The following KIAA0586 variants were observed in gnomAD, a reference collection of about 807,000 sequenced individuals.
The protein encoded by KIAA0586 is KIAA0586.
A neutral mutation model predicts 169.8 loss-of-function variants in KIAA0586; 144 were observed. The ratio of observed to expected loss-of-function variants is 0.85; its 90% confidence interval spans 0.74 to 0.97. KIAA0586 has a LOEUF of 0.97. Among genes scored for constraint, KIAA0586 ranks in the 50% least tolerant of loss-of-function variants. The pLI, the probability that KIAA0586 is intolerant of heterozygous loss-of-function variation, is 0.00. For missense variants in KIAA0586, 1,854 were observed against 1,823.0 expected (o/e 1.02, Z -0.31); for synonymous variants, 625 against 612.4 (o/e 1.02, Z -0.30).
Position 58,467,750 on chromosome 14 carries a change from A to G in KIAA0586, c.2270A>G (p.Asn757Ser), listed in dbSNP as rs778673898. 10 of 1,609,890 alleles carry G rather than the reference A, an allele frequency of 6.2e-6. No individual in the cohort carries two copies. The African/African-American group carries it at 9.4e-5, about 15-fold the overall frequency. The change falls in exon 16 of 31, where the codon AAT becomes AGT. Residue 757 changes from asparagine (N) to serine (S), a missense_variant. Physicochemically the swap from Asn to Ser is conservative, Grantham distance 46. Coordinates refer to ENST00000652326, the MANE Select transcript of KIAA0586 (RefSeq NM_001329943.3). ...MAILLGQTQS[N>S]SDTMPPAGVI... is the part of the protein sequence containing the mutation. ...AACTTCTTAGGACAAACCCAAAGTA[A>G]TAGTGATACCATGCCACCTGCTGGA...
chr14:58,542,708 G>C (rs1372607211), intron 30 of KIAA0586, among the ~76,000 whole-genome samples: 9 of 152,010 alleles, frequency 5.9e-5, no homozygotes, highest in African/African-American at 2.2e-4. Context: ...ACCTTTTGCA[G>C]CCCACCCTGA....
At chr14:58,492,423 G>A (rs894432177) in intron 26 of KIAA0586, 148 bp downstream of exon 26, 2 of 615,918 alleles carry the variant, frequency 3.2e-6, no homozygotes, top group South Asian at 2.7e-5. Flanking sequence ...TCATGGAACT[G>A]TAGAGTTTTA....
chr14:58,504,247 T>C (rs2043780010), intron 27 of KIAA0586, among the ~76,000 whole-genome samples: 1 of 152,058 alleles, frequency 6.6e-6, no homozygotes, highest in African/African-American at 2.4e-5. Flanking sequence ...GTAATGAGGA[T>C]ATATAAAAAG....
chr14:58,523,705 G>A (rs2045377449), intron 29 of KIAA0586, among the ~76,000 whole-genome samples: 1 of 149,194 alleles, frequency 6.7e-6, no homozygotes, highest in South Asian at 2.1e-4. Context: ...AGTAGCATCT[G>A]ATCTTTTAAT....
chr14:58,485,502 T>G (rs2042380342), intron 21 of KIAA0586, among the ~76,000 whole-genome samples: 1 of 152,142 alleles, frequency 6.6e-6, no homozygotes, highest in African/African-American at 2.4e-5. Context: ...AAAAACATAA[T>G]TAGTCCTTTA....
At chr14:58,558,484 G>C in the KIAA0586 span, among the ~76,000 whole-genome samples, 1 of 152,074 alleles carries the variant, frequency 6.6e-6, no homozygotes, top group Non-Finnish European at 1.5e-5. Flanking sequence ...GTTGTATAAG[G>C]GTGGATCTTC....
At chr14:58,499,859 G>A (rs924234500) in intron 27 of KIAA0586, among the ~76,000 whole-genome samples, 2 of 151,994 alleles carry the variant, frequency 1.3e-5, no homozygotes, top group Non-Finnish European at 2.9e-5. Context: ...ATGCCCAGCC[G>A]ATGCATTTAT....
At chr14:58,511,613 C>G (rs377220981) in intron 28 of KIAA0586, among the ~76,000 whole-genome samples, 4 of 152,152 alleles carry the variant, frequency 2.6e-5, no homozygotes, top group East Asian at 3.8e-4. Context: ...AAATACACAC[C>G]AAGATAATAT....
At chr14:58,508,843 C>T (rs2044188328) in intron 28 of KIAA0586, 134 bp downstream of exon 28, 2 of 670,570 alleles carry the variant, frequency 3.0e-6, no homozygotes, top group Non-Finnish European at 2.5e-6. Flanking sequence ...TTTCCTAACT[C>T]AAGTCTGAAT....
intron 20 of KIAA0586, among the ~76,000 whole-genome samples, chr14:58,480,365 C>T (rs977414533): frequency 9.3e-5 from 12 of 128,918 alleles, no homozygotes; most frequent in African/African-American, 3.4e-4. Context: ...AAAAAAAAAA[C>T]TTCTTTAAGA....
Position 58,442,828 on chromosome 14 carries a change from C to A in KIAA0586, c.533C>A (p.Thr178Asn). The change falls in exon 5 of 31, where the codon ACC becomes AAC. Residue 178 changes from threonine to asparagine, a missense_variant. Thr to Asn is a moderately conservative substitution (Grantham distance 65). Transcript: ENST00000652326. ...CCCAGTGGAATTGATTCAGCTACAA[C>A]CGTGGCTGCAGCAACTGCTGCTGCC... ...ISPSGIDSAT[T>N]VAAATAAAIA... The A allele has an allele frequency of 6.2e-7, 1 of 1,610,540 alleles. No homozygotes were observed. Among genetic ancestry groups the A allele is most frequent in the Non-Finnish European group, 8.5e-7 (1 of 1,178,330 alleles).
chr14:58,449,388 G>C (rs373777179), intron 7 of KIAA0586, among the ~76,000 whole-genome samples: 1 of 152,136 alleles, frequency 6.6e-6, no homozygotes, highest in Admixed American at 6.6e-5. Context: ...AATTATCCAG[G>C]TGTGGTGGCA....
chr14:58,529,981 C>T (rs1488086849), intron 29 of KIAA0586, among the ~76,000 whole-genome samples: 1 of 152,198 alleles, frequency 6.6e-6, no homozygotes, highest in Non-Finnish European at 1.5e-5. Flanking sequence ...CCAAAATCTC[C>T]TTAAGCTGAT....
At chr14:58,560,885 G>A in the KIAA0586 span, among the ~76,000 whole-genome samples, 1 of 152,144 alleles carries the variant, frequency 6.6e-6, no homozygotes, top group African/African-American at 2.4e-5. Context: ...ATTATATGTT[G>A]TAAACAAAGC....
chr14:58,488,295 C>G (rs547291454), intron 23 of KIAA0586, among the ~76,000 whole-genome samples, 186 bp downstream of exon 23: 44 of 152,134 alleles, frequency 2.9e-4, no homozygotes, highest in South Asian at 1.5e-3. Context: ...CACCTTTTTT[C>G]TTAAAAGGTT....
Position 58,482,290 on chromosome 14 carries a change from G to A in KIAA0586, c.2945-223G>A, listed in dbSNP as rs12436746. Among the ~76,000 whole-genome samples, 8,229 of 151,968 alleles carry A rather than the reference G, an allele frequency of 0.054. 453 individuals are homozygous for A. The highest frequency in any genetic ancestry group is 0.17 in the Admixed American group (2,618 of 15,284). ...AAAATACAAAAATTAGCCAGGCATG[G>A]TGACGCGTGCCTGTAGTCCCAGCTA... On this transcript the variant is annotated intron_variant, in intron 20 of 30. Coordinates refer to ENST00000652326, the MANE Select transcript of KIAA0586 (RefSeq NM_001329943.3).
intron 27 of KIAA0586, among the ~76,000 whole-genome samples, chr14:58,506,600 T>G (rs752768000): frequency 2.0e-5 from 3 of 151,044 alleles, no homozygotes; most frequent in African/African-American, 7.3e-5. Context: ...GGCAGAAGAA[T>G]CGCTTGAACC....
At chr14:58,556,535 C>A in the KIAA0586 span, among the ~76,000 whole-genome samples, 1 of 152,098 alleles carries the variant, frequency 6.6e-6, no homozygotes, top group Non-Finnish European at 1.5e-5. Context: ...TCCTAGCAAC[C>A]CAGAAGGTTC....
intron 21 of KIAA0586, among the ~76,000 whole-genome samples, chr14:58,483,963 T>C (rs1380172980): frequency 6.6e-6 from 1 of 152,176 alleles, no homozygotes; most frequent in African/African-American, 2.4e-5. Flanking sequence ...ATTAGCTCAT[T>C]GGGAATATAT....
Sources: allele counts gnomAD v4.1 joint callset (sites outside exome capture counted in the v4.1 genomes callset), GRCh38; gene constraint gnomAD v4.1.1; transcripts MANE v1.5; gene names NCBI Gene and HGNC (gene_info 2026-07-23, HGNC 2026-07-21).